Variants in VPS37A observed in about 807,000 individuals in gnomAD.
VPS37A encodes the protein vacuolar protein sorting-associated protein 37A.
VPS37A carries 30 observed loss-of-function variants against 49.8 expected under a neutral mutation model. The ratio of observed to expected loss-of-function variants is 0.60; its 90% CI spans 0.45 to 0.82. VPS37A has a LOEUF of 0.82. Among genes scored for constraint, VPS37A ranks in the 40% least tolerant of loss-of-function variants. VPS37A has a pLI of 0.00. For synonymous variants in VPS37A, 195 were observed against 160.6 expected, an observed-to-expected ratio of 1.21 and a Z score of -1.62; for missense variants, 593 against 464.4, an observed-to-expected ratio of 1.28 and a Z score of -2.55.
downstream of VPS37A, chr8:17,299,167 C>A (rs1027331622): frequency 2.0e-5 from 3 of 152,070 alleles, no homozygotes; most frequent in African/African-American, 7.2e-5. Flanking sequence ...ACCTCGTTAG[C>A]TATTAAATCA....
the VPS37A span, among the ~76,000 whole-genome samples, chr8:17,323,417 C>T: frequency 0.43 from 65,611 of 151,734 alleles, 16,249 homozygotes; most frequent in East Asian, 0.78. Context: ...TGAACAGGAA[C>T]CAAACTGAAG....
At chr8:17,294,467 T>C (rs536988087) in intron 11 of VPS37A, among the ~76,000 whole-genome samples, 1 of 152,294 alleles carries the variant, frequency 6.6e-6, no homozygotes, top group African/African-American at 2.4e-5. Flanking sequence ...TGAAGGGTTC[T>C]GTCTCGCTGG....
chr8:17,256,779 A>C (rs1203256761), intron 1 of VPS37A, among the ~76,000 whole-genome samples: 1 of 151,796 alleles, frequency 6.6e-6, no homozygotes, highest in Non-Finnish European at 1.5e-5. Flanking sequence ...CAGCCTTCCA[A>C]GTAGCTGGGA....
intron 1 of VPS37A, among the ~76,000 whole-genome samples, chr8:17,253,808 C>G (rs1342790040): frequency 1.3e-5 from 2 of 152,146 alleles, no homozygotes; most frequent in Non-Finnish European, 2.9e-5. Flanking sequence ...ATTTCGAAAA[C>G]AAACACAATT....
At chr8:17,260,778 A>C (rs562912727) in intron 1 of VPS37A, among the ~76,000 whole-genome samples, 2 of 152,122 alleles carry the variant, frequency 1.3e-5, no homozygotes, top group Non-Finnish European at 2.9e-5. Flanking sequence ...TCCTTTCAGC[A>C]TTTGGAAAAT....
chr8:17,261,008 C>G (rs1262046123), intron 1 of VPS37A, among the ~76,000 whole-genome samples: 1 of 152,138 alleles, frequency 6.6e-6, no homozygotes, highest in East Asian at 1.9e-4. Context: ...ATATTTATGA[C>G]TTTCTCAAGC....
rs550167049 is a variant in VPS37A, at chr8:17,281,094, A to G, written c.969+651A>G. 9.9e-5 allele frequency among the ~76,000 whole-genome samples: 15 copies of G among 152,102 alleles called. No homozygotes were observed. In the South Asian group the frequency reaches 2.7e-3, roughly 27 times the overall value. On this transcript the variant is annotated intron_variant, in intron 9 of 11. Coordinates refer to ENST00000324849, the MANE Select transcript of VPS37A (RefSeq NM_152415.3). ...AACAGCAAAAAAGATGGTAAAGGAGAATATAAATTTATAATGAATTTCAGA... is the reference window on the plus strand; with the variant it reads ...AACAGCAAAAAAGATGGTAAAGGAGGATATAAATTTATAATGAATTTCAGA...
chr8:17,294,801 A>G (rs773271420), intron 11 of VPS37A, among the ~76,000 whole-genome samples, 186 bp from the exon 12 acceptor site: 2 of 152,164 alleles, frequency 1.3e-5, no homozygotes, highest in Non-Finnish European at 2.9e-5. Flanking sequence ...CAGGTATCTC[A>G]GCTGGAAATG....
At chr8:17,248,978 T>C (rs1811727873) in intron 1 of VPS37A, among the ~76,000 whole-genome samples, 1 of 152,268 alleles carries the variant, frequency 6.6e-6, no homozygotes, top group Non-Finnish European at 1.5e-5. Flanking sequence ...GGGACTCGTT[T>C]TTAACATGTT....
chr8:17,322,923 C>A, the VPS37A span, among the ~76,000 whole-genome samples: 1 of 151,286 alleles, frequency 6.6e-6, no homozygotes, highest in East Asian at 1.9e-4. Context: ...ACCTTCACAA[C>A]CTCCCATCTA....
chr8:17,276,895 T>G (rs1370629574), intron 6 of VPS37A, among the ~76,000 whole-genome samples: 2 of 152,128 alleles, frequency 1.3e-5, no homozygotes, highest in East Asian at 3.9e-4. Flanking sequence ...CAAACTTTTT[T>G]TCAAATTTAT....
the VPS37A span, among the ~76,000 whole-genome samples, chr8:17,313,648 T>G: frequency 6.6e-6 from 1 of 152,200 alleles, no homozygotes; most frequent in African/African-American, 2.4e-5. Context: ...TATATATATG[T>G]AAGGTTGAAA....
chr8:17,330,718 A>C, the VPS37A span, among the ~76,000 whole-genome samples: 1 of 152,176 alleles, frequency 6.6e-6, no homozygotes, highest in African/African-American at 2.4e-5. Flanking sequence ...TTTAGAAATG[A>C]GGGTCAGCTC....
At chr8:17,310,081 C>T in the VPS37A span, among the ~76,000 whole-genome samples, 1 of 152,060 alleles carries the variant, frequency 6.6e-6, no homozygotes, top group Non-Finnish European at 1.5e-5. Flanking sequence ...GCTCACTACA[C>T]CCTTGACCTC....
chr8:17,284,486 G>A lies in VPS37A; in HGVS notation c.983G>A (p.Ser328Asn), dbSNP rs750766613. Residue 328 changes from serine to asparagine, a missense_variant, in exon 10 of 12, where the codon AGT becomes AAT. By Grantham distance (46) the Ser-to-Asn change is conservative (BLOSUM62 1). Transcript: ENST00000324849. ...QHELSESCSA[S>N]ALQARLKVAA... Reference sequence around the variant, plus strand: ...TTTCTTTTTCAGAGCTGTAGTGCAAGTGCCCTTCAGGCAAGATTGAAAGTA... The same window carrying A: ...TTTCTTTTTCAGAGCTGTAGTGCAAATGCCCTTCAGGCAAGATTGAAAGTA... 4 of 1,586,384 alleles carry A rather than the reference G, an allele frequency of 2.5e-6. No individual in the cohort carries two copies. Among genetic ancestry groups the A allele is most frequent in the Admixed American group, 3.9e-5 (2 of 51,736 alleles).
intron 11 of VPS37A, among the ~76,000 whole-genome samples, chr8:17,290,428 A>G (rs1044965622): frequency 7.9e-5 from 12 of 152,074 alleles, no homozygotes; most frequent in African/African-American, 1.4e-4. Context: ...TTCTGCATCT[A>G]TGAGATAATT....
At chr8:17,284,657 G>C (rs972522428) in intron 10 of VPS37A, 41 bp downstream of exon 10, 1 of 1,545,346 alleles carries the variant, frequency 6.5e-7, no homozygotes, top group African/African-American at 1.4e-5. Flanking sequence ...ATTGGATAAA[G>C]TTTGGTATTT....
the VPS37A span, among the ~76,000 whole-genome samples, chr8:17,308,567 A>C: frequency 6.6e-6 from 1 of 152,228 alleles, no homozygotes; most frequent in Non-Finnish European, 1.5e-5. Flanking sequence ...AAACTAATGA[A>C]ACTTGCTGCC....
At chr8:17,287,034 A>G (rs1815666401) in intron 11 of VPS37A, among the ~76,000 whole-genome samples, 1 of 152,106 alleles carries the variant, frequency 6.6e-6, no homozygotes, top group South Asian at 2.1e-4. Context: ...ATCCATTTTA[A>G]CTTTGCATTT....
Sources: gnomAD v4.1 joint callset for allele counts (sites outside exome capture counted in the v4.1 genomes callset) on GRCh38, gnomAD v4.1.1 for gene constraint, MANE v1.5 for transcripts, NCBI Gene and HGNC (gene_info 2026-07-23, HGNC 2026-07-21) for gene names.